Variants in ANO1 observed in about 807,000 individuals in gnomAD.
ANO1 encodes anoctamin 1.
In ANO1, 59 loss-of-function variants were observed where a neutral mutation model predicts 124.0. The ratio of observed to expected loss-of-function variants is 0.48; its 90% CI spans 0.39 to 0.59. The LOEUF (loss-of-function observed/expected upper bound fraction) is 0.59, where lower values mean the gene tolerates loss of function less well. Among genes scored for constraint, ANO1 ranks in the 20% least tolerant of loss-of-function variants. The probability of loss-of-function intolerance (pLI) is 0.00; values close to 1 mark genes in which losing one functional copy is unlikely to be tolerated. For synonymous variants in ANO1, 529 were observed against 532.0 expected (o/e 0.99, Z 0.08); for missense variants, 1,059 against 1,328.0 (o/e 0.80, Z 3.15).
intron 1 of ANO1, among the ~76,000 whole-genome samples, chr11:70,021,423 A>G (rs1591039445): frequency 6.6e-6 from 1 of 151,230 alleles, no homozygotes; most frequent in Middle Eastern, 3.4e-3. Context: ...TTGTAAAGCT[A>G]TATACCAACT....
At chr11:69,988,785 A>T (rs1271717355) in intron 1 of ANO1, among the ~76,000 whole-genome samples, 1 of 152,150 alleles carries the variant, frequency 6.6e-6, no homozygotes, top group Admixed American at 6.5e-5. Context: ...CTCCACTGGG[A>T]CATGTCTGCC....
intron 1 of ANO1, among the ~76,000 whole-genome samples, chr11:69,989,908 A>T (rs1856121073): frequency 6.6e-6 from 1 of 152,160 alleles, no homozygotes; most frequent in South Asian, 2.1e-4. Flanking sequence ...GAAGGAAAAG[A>T]CCACAAGGAG....
In ANO1 at chr11:70,137,805, G is replaced by C. The variant is rs1177455187; in HGVS notation, c.1258+5726G>C. ...CCCAGGTTCGCATCTGTAGAACGGAGACACAGTCCCACCCCACAGGGTTGC... is the reference window on the plus strand; with the variant it reads ...CCCAGGTTCGCATCTGTAGAACGGACACACAGTCCCACCCCACAGGGTTGC... On this transcript the variant is annotated intron_variant, in intron 11 of 25. Transcript: ENST00000355303. Among the ~76,000 whole-genome samples the C allele has an allele frequency of 2.0e-5, 3 of 147,536 alleles. 1 individual carries two copies.
intron 1 of ANO1, among the ~76,000 whole-genome samples, chr11:70,024,356 G>T (rs1856855201): frequency 6.6e-6 from 1 of 152,210 alleles, no homozygotes; most frequent in Admixed American, 6.5e-5. Flanking sequence ...CTGAAAGGGG[G>T]CAGTGGTGTT....
upstream of ANO1, among the ~76,000 whole-genome samples, chr11:69,983,060 C>T (rs1283888862): frequency 1.3e-5 from 2 of 151,994 alleles, no homozygotes; most frequent in Admixed American, 6.5e-5. Context: ...GCCTGTGGGC[C>T]GAGTCAGCTC....
chr11:70,135,562 T>G (rs2046925021), intron 11 of ANO1, among the ~76,000 whole-genome samples: 1 of 152,238 alleles, frequency 6.6e-6, no homozygotes, highest in African/African-American at 2.4e-5. Context: ...GCTGGTGTTC[T>G]TCTCTACAGC....
In ANO1 at chr11:70,185,704, G is replaced by C. The variant is rs757655582; in HGVS notation, c.2694+9G>C. 2.5e-6 allele frequency: 4 copies of C among 1,613,286 alleles called. No individual in the cohort carries two copies. The highest frequency in any genetic ancestry group is 2.5e-6 in the Non-Finnish European group (3 of 1,179,300). On this transcript the variant is annotated intron_variant, in intron 25 of 25. Coordinates refer to ENST00000355303, the MANE Select transcript of ANO1 (RefSeq NM_018043.7). ...TTGTCATCGTCTTCCAGGTGCGGTG[G>C]GTCCCTCTTTGTTTCCGGTTTGAAG...
At chr11:70,006,652 CTTTCTTCTTTCTTTTTTTT>C in intron 1 of ANO1, among the ~76,000 whole-genome samples, 2 of 111,892 alleles carry the variant, frequency 1.8e-5, no homozygotes, top group South Asian at 3.3e-4. Context: ...TTCTTTCTTT[CTTTCTTCTTTCTTTTTTTT>C]TTTTTTTTTT....
In ANO1 at chr11:70,016,623, G is replaced by T. The variant is rs572915842; in HGVS notation, c.58+30457G>T. On this transcript the variant is annotated intron_variant, in intron 1 of 27. Transcript: ENST00000531349. ...CGCTCTGCCACCGTCAGGCTTGGGA[G>T]CTCCTGGGAGCGCGGGGCATGCATT... 5.9e-5 allele frequency among the ~76,000 whole-genome samples: 9 copies of T among 152,340 alleles called. No individual in the cohort carries two copies. The South Asian group carries it at 1.9e-3, about 32-fold the overall frequency.
At position 69,992,745 on chromosome 11, in the gene ANO1, C is replaced by T. The variant is rs564726832; in HGVS notation, c.58+6579C>T. Among the ~76,000 whole-genome samples the T allele has an allele frequency of 3.9e-5, 6 of 152,320 alleles. No homozygotes were observed. In the South Asian group the frequency reaches 8.3e-4, roughly 21 times the overall value. ...GGAGAGGCTGGACTGTTTGGTGAGG[C>T]CTTCGTCTCTCCCCGTGCCTGCCTC... On this transcript the variant is annotated intron_variant, in intron 1 of 27. Transcript: ENST00000531349.
At position 70,040,139 on chromosome 11, in the gene ANO1, G is replaced by A. The variant is rs11237569; in HGVS notation, c.59-38403G>A. ...CTGCCAGCCAAGATAATCTGGCAGC[G>A]GATACCAAATTCCCTGCTCAAGACC... On this transcript the variant is annotated intron_variant, in intron 1 of 27. Transcript: ENST00000531349. 1.1e-3 allele frequency among the ~76,000 whole-genome samples: 162 copies of A among 152,116 alleles called. 1 individual carries two copies. The highest frequency in any genetic ancestry group is 4.6e-4 in the Non-Finnish European group (31 of 68,012).
chr11:70,128,380 G>A (rs1565229229), intron 10 of ANO1, among the ~76,000 whole-genome samples: 1 of 152,248 alleles, frequency 6.6e-6, no homozygotes, highest in Non-Finnish European at 1.5e-5. Context: ...GAGGAAAATG[G>A]TGAGTGTAAG....
rs910791294 is a variant in ANO1, at chr11:70,155,766, G to A, written c.1426-145G>A. ...TACTTGTTTAAAACGCCCAGAACCC[G>A]AGTCAGCCTTGGCAGTGAGCTTACG... On this transcript the variant is annotated intron_variant, in intron 14 of 25. Coordinates refer to ENST00000355303, the MANE Select transcript of ANO1 (RefSeq NM_018043.7). The A allele has an allele frequency of 1.5e-4, 99 of 651,096 alleles. 1 individual carries two copies. Among genetic ancestry groups the A allele is most frequent in the Admixed American group, 2.3e-4 (6 of 25,666 alleles). The allele number at this position is 651,096 out of a possible 1,614,324, so 40.3% of individuals were successfully genotyped here.
chr11:70,087,149 G>C (rs190298385), intron 1 of ANO1, among the ~76,000 whole-genome samples: 22 of 152,246 alleles, frequency 1.4e-4, no homozygotes, highest in African/African-American at 5.3e-4. Flanking sequence ...ATTTGGGTGG[G>C]TACATAGTGG....
chr11:70,144,643 G>A (rs145002807), intron 11 of ANO1, among the ~76,000 whole-genome samples: 5 of 152,336 alleles, frequency 3.3e-5, no homozygotes, highest in East Asian at 3.9e-4. Flanking sequence ...CTGGCTTCTC[G>A]CTCGCTGCCA....
intron 1 of ANO1, among the ~76,000 whole-genome samples, chr11:70,055,980 C>G (rs1018150301): frequency 1.3e-5 from 2 of 151,252 alleles, no homozygotes; most frequent in African/African-American, 4.9e-5. Context: ...TCCCTCCCAC[C>G]CCACCTTTTG....
chr11:69,997,677 A>G (rs1414173842), intron 1 of ANO1, among the ~76,000 whole-genome samples: 1 of 152,212 alleles, frequency 6.6e-6, no homozygotes, highest in Non-Finnish European at 1.5e-5. Context: ...TGACTGGATC[A>G]TGGGGGCCGT....
intron 1 of ANO1, among the ~76,000 whole-genome samples, chr11:69,995,699 C>T (rs1356410442): frequency 6.6e-6 from 1 of 152,188 alleles, no homozygotes; most frequent in Admixed American, 6.5e-5. Flanking sequence ...GAGCCATTCT[C>T]ATGGCATCAT....
At chr11:70,174,704 C>T (rs1447486093) in intron 22 of ANO1, among the ~76,000 whole-genome samples, 1 of 152,122 alleles carries the variant, frequency 6.6e-6, no homozygotes, top group African/African-American at 2.4e-5. Context: ...CAGTGCCGAG[C>T]AGGAACCAGA....
Sources: gnomAD v4.1 joint callset for allele counts (sites outside exome capture counted in the v4.1 genomes callset) on GRCh38, gnomAD v4.1.1 for gene constraint, MANE v1.5 for transcripts, NCBI Gene and HGNC (gene_info 2026-07-23, HGNC 2026-07-21) for gene names.